The following REDIC1 variants were observed in gnomAD, a reference collection of about 807,000 sequenced individuals.
The protein encoded by REDIC1 is regulator of DNA class I crossover intermediates 1.
the REDIC1 span, among the ~76,000 whole-genome samples, chr12:39,858,931 T>C: frequency 6.6e-6 from 1 of 152,164 alleles, no homozygotes; most frequent in Non-Finnish European, 1.5e-5. Context: ...TAAGGTTGCA[T>C]AAAAGTTTTA....
the REDIC1 span, chr12:39,758,433 A>G: frequency 6.6e-6 from 1 of 151,956 alleles, no homozygotes; most frequent in South Asian, 2.1e-4. Context: ...CTCCAAATAC[A>G]GTACCTTATT....
the REDIC1 span, among the ~76,000 whole-genome samples, chr12:39,776,036 T>C: frequency 6.6e-6 from 1 of 152,218 alleles, no homozygotes; most frequent in East Asian, 1.9e-4. Flanking sequence ...ACAGTATTAA[T>C]TTGAGAAGAT....
chr12:39,895,813 T>TGTATATGCGTGTATACGCAC, the REDIC1 span, among the ~76,000 whole-genome samples: 1 of 86,874 alleles, frequency 1.2e-5, no homozygotes, highest in African/African-American at 5.4e-5. Context: ...CGTGTATACG[T>TGTATATGCGTGTATACGCAC]ACACACATGT....
At chr12:39,653,332 G>C in the REDIC1 span, among the ~76,000 whole-genome samples, 7 of 151,816 alleles carry the variant, frequency 4.6e-5, no homozygotes, top group Non-Finnish European at 1.0e-4. Flanking sequence ...TTCCTCGGTA[G>C]TGTATAGAAA....
At chr12:39,677,952 G>T in the REDIC1 span, among the ~76,000 whole-genome samples, 1 of 152,118 alleles carries the variant, frequency 6.6e-6, no homozygotes, top group Admixed American at 6.6e-5. Context: ...GGTGCTAAGA[G>T]GAAAGTTAAT....
the REDIC1 span, among the ~76,000 whole-genome samples, chr12:39,663,978 C>T: frequency 6.6e-6 from 1 of 151,882 alleles, no homozygotes; most frequent in Admixed American, 6.6e-5. Flanking sequence ...CCTTTCTCTC[C>T]TGGCCTATAA....
the REDIC1 span, among the ~76,000 whole-genome samples, chr12:39,642,298 G>A: frequency 2.0e-5 from 3 of 151,760 alleles, no homozygotes; most frequent in South Asian, 4.2e-4. Context: ...TAAAGGCTTA[G>A]TCCCTTTGAC....
the REDIC1 span, among the ~76,000 whole-genome samples, chr12:39,793,436 C>CTT: frequency 6.6e-6 from 1 of 152,050 alleles, no homozygotes; most frequent in Non-Finnish European, 1.5e-5. Context: ...CAATAAAAAT[C>CTT]TTAGCAATAT....
At chr12:39,906,749 A>T in the REDIC1 span, among the ~76,000 whole-genome samples, 1 of 152,104 alleles carries the variant, frequency 6.6e-6, no homozygotes, top group Non-Finnish European at 1.5e-5. Context: ...AGAGCTACTT[A>T]AATGTGGGGG....
chr12:39,633,094 T>A, the REDIC1 span, among the ~76,000 whole-genome samples: 2 of 151,880 alleles, frequency 1.3e-5, no homozygotes, highest in Non-Finnish European at 2.9e-5. Flanking sequence ...TTATTATTAT[T>A]ATATTTTAAA....
At chr12:39,689,105 G>A in the REDIC1 span, among the ~76,000 whole-genome samples, 3 of 152,134 alleles carry the variant, frequency 2.0e-5, no homozygotes, top group East Asian at 1.9e-4. Context: ...TGAAATGTTC[G>A]GAGAAGTGAT....
the REDIC1 span, among the ~76,000 whole-genome samples, chr12:39,732,794 C>T: frequency 6.6e-6 from 1 of 151,936 alleles, no homozygotes; most frequent in South Asian, 2.1e-4. Flanking sequence ...CTCAAAATGC[C>T]CATATTTGGC....
At chr12:39,889,590 T>C in the REDIC1 span, among the ~76,000 whole-genome samples, 3 of 147,758 alleles carry the variant, frequency 2.0e-5, no homozygotes, top group Admixed American at 7.0e-5. Context: ...TAGACTGCAG[T>C]AGCACCATCT....
the REDIC1 span, among the ~76,000 whole-genome samples, chr12:39,760,420 T>C: frequency 6.6e-6 from 1 of 151,936 alleles, no homozygotes; most frequent in African/African-American, 2.4e-5. Flanking sequence ...GTTCCAACTC[T>C]GAGAATATGA....
chr12:39,682,821 T>C, the REDIC1 span: 3 of 1,612,136 alleles, frequency 1.9e-6, no homozygotes, highest in East Asian at 4.5e-5. Context: ...GTGACTCTTT[T>C]GTTAGTCAAA....
the REDIC1 span, among the ~76,000 whole-genome samples, chr12:39,895,426 C>A: frequency 7.1e-6 from 1 of 140,574 alleles, no homozygotes; most frequent in Admixed American, 7.4e-5. Context: ...GGAGGTGGAG[C>A]TTGCAGTGAG....
chr12:39,716,158 A>C, the REDIC1 span, among the ~76,000 whole-genome samples: 1 of 151,936 alleles, frequency 6.6e-6, no homozygotes, highest in Non-Finnish European at 1.5e-5. Context: ...CCATTTTCAT[A>C]AACAAGGGAA....
At chr12:39,665,298 C>A in the REDIC1 span, among the ~76,000 whole-genome samples, 1 of 152,296 alleles carries the variant, frequency 6.6e-6, no homozygotes, top group African/African-American at 2.4e-5. Context: ...TATGGCTAGC[C>A]AGTTTTCCCC....
chr12:39,709,890 A>T, the REDIC1 span, among the ~76,000 whole-genome samples: 272 of 151,830 alleles, frequency 1.8e-3, no homozygotes, highest in African/African-American at 6.0e-3. Flanking sequence ...TTTTTGAGAA[A>T]TCTTCATACC....
Sources: allele counts gnomAD v4.1 joint callset (sites outside exome capture counted in the v4.1 genomes callset), GRCh38; gene constraint gnomAD v4.1.1; transcripts MANE v1.5; gene names NCBI Gene and HGNC (gene_info 2026-07-23, HGNC 2026-07-21).